The following SHISA9 variants were observed in gnomAD, a reference collection of about 807,000 sequenced individuals.
SHISA9 encodes protein shisa-9.
A neutral mutation model predicts 38.0 loss-of-function variants in SHISA9; 13 were observed. The observed-to-expected ratio is 0.34, with a 90% CI of 0.22 to 0.54. The LOEUF (loss-of-function observed/expected upper bound fraction) is 0.54, where lower values mean the gene tolerates loss of function less well. SHISA9 is among the 20% of genes least tolerant of loss of function. The pLI is 0.91. For synonymous variants in SHISA9, 275 were observed against 242.0 expected, an observed-to-expected ratio of 1.14 and a Z score of -1.27; for missense variants, 538 against 575.8, an observed-to-expected ratio of 0.93 and a Z score of 0.67.
the SHISA9 span, among the ~76,000 whole-genome samples, chr16:13,377,788 G>A: frequency 9.2e-5 from 14 of 152,290 alleles, no homozygotes; most frequent in African/African-American, 3.4e-4. Context: ...AGCATTTTGG[G>A]AGGCCAAGGT....
chr16:13,522,210 G>C, the SHISA9 span, among the ~76,000 whole-genome samples: 1 of 152,166 alleles, frequency 6.6e-6, no homozygotes, highest in South Asian at 2.1e-4. Context: ...GTTTGGTTTT[G>C]ACTTGGAGAA....
At chr16:12,938,071 C>T (rs534526827) in intron 2 of SHISA9, among the ~76,000 whole-genome samples, 1 of 152,306 alleles carries the variant, frequency 6.6e-6, no homozygotes, top group Non-Finnish European at 1.5e-5. Flanking sequence ...TGAACTGTTG[C>T]TGGACTTGTA....
the SHISA9 span, among the ~76,000 whole-genome samples, chr16:13,538,019 A>T: frequency 6.6e-6 from 1 of 152,228 alleles, no homozygotes. Context: ...TTTTAAAAAT[A>T]TGTTAGACTG....
chr16:13,240,654 C>G (rs2051428232), downstream of SHISA9, among the ~76,000 whole-genome samples: 1 of 152,150 alleles, frequency 6.6e-6, no homozygotes, highest in South Asian at 2.1e-4. Context: ...ATCCTTTTGC[C>G]TTTAGAAATC....
the SHISA9 span, among the ~76,000 whole-genome samples, chr16:13,415,641 G>A: frequency 3.3e-5 from 5 of 152,172 alleles, no homozygotes; most frequent in African/African-American, 1.2e-4. Flanking sequence ...GGAATGAAAT[G>A]ATGTGGAGCT....
the SHISA9 span, among the ~76,000 whole-genome samples, chr16:13,502,230 G>A: frequency 6.6e-6 from 1 of 151,758 alleles, no homozygotes; most frequent in South Asian, 2.1e-4. Context: ...AGCATTTGGA[G>A]AAAAAGAAAG....
intron 2 of SHISA9, among the ~76,000 whole-genome samples, chr16:13,062,335 T>C (rs114672282): frequency 0.014 from 2,069 of 152,278 alleles, 58 homozygotes; most frequent in African/African-American, 0.046. Context: ...AGATAAATCC[T>C]ATGGACAAAG....
intron 2 of SHISA9, among the ~76,000 whole-genome samples, chr16:13,143,633 T>G (rs1292410072): frequency 6.6e-6 from 1 of 152,138 alleles, no homozygotes; most frequent in East Asian, 1.9e-4. Flanking sequence ...TAAACCATCA[T>G]GCAAATATAT....
chr16:12,912,670 C>G (rs1419573594), intron 1 of SHISA9, among the ~76,000 whole-genome samples: 1 of 152,138 alleles, frequency 6.6e-6, no homozygotes. Context: ...GTTTCAGACC[C>G]TGCTTATTGC....
At chr16:13,261,300 T>C in the SHISA9 span, among the ~76,000 whole-genome samples, 4 of 152,118 alleles carry the variant, frequency 2.6e-5, no homozygotes, top group Non-Finnish European at 5.9e-5. Context: ...GATCTGTAGG[T>C]TTATAGATGA....
intron 2 of SHISA9, among the ~76,000 whole-genome samples, chr16:13,124,308 C>A (rs561957865): frequency 6.6e-6 from 1 of 152,274 alleles, no homozygotes; most frequent in South Asian, 2.1e-4. Context: ...CAAATTGGAG[C>A]TTTCTGAAAC....
the SHISA9 span, among the ~76,000 whole-genome samples, chr16:13,249,962 AG>A: frequency 5.3e-5 from 8 of 152,052 alleles, no homozygotes; most frequent in Admixed American, 3.9e-4. Context: ...TTGAACTCCT[AG>A]GCTCAAGCAA....
chr16:13,388,162 A>G, the SHISA9 span, among the ~76,000 whole-genome samples: 1 of 152,054 alleles, frequency 6.6e-6, no homozygotes, highest in African/African-American at 2.4e-5. Context: ...CATCCTGTGG[A>G]TTGAGATGTG....
the SHISA9 span, among the ~76,000 whole-genome samples, chr16:13,497,002 A>G: frequency 6.6e-6 from 1 of 152,202 alleles, no homozygotes; most frequent in Non-Finnish European, 1.5e-5. Flanking sequence ...ATTGCTTCAA[A>G]GCTTAATACA....
intron 2 of SHISA9, among the ~76,000 whole-genome samples, chr16:13,106,988 C>CTA (rs1555462299): frequency 2.0e-4 from 30 of 151,644 alleles, no homozygotes; most frequent in East Asian, 9.7e-4. Flanking sequence ...CTCTCTCTCT[C>CTA]TCTCTCTCTC....
At chr16:13,307,027 CA>C in the SHISA9 span, among the ~76,000 whole-genome samples, 1 of 152,082 alleles carries the variant, frequency 6.6e-6, no homozygotes, top group Non-Finnish European at 1.5e-5. Context: ...ATGTTACAAA[CA>C]TGTTTCTATG....
chr16:13,523,778 C>A, the SHISA9 span, among the ~76,000 whole-genome samples: 1 of 152,218 alleles, frequency 6.6e-6, no homozygotes, highest in South Asian at 2.1e-4. Flanking sequence ...ACCTCCAACA[C>A]TGGGGATTAC....
chr16:13,000,491 A>G (rs1186673421), intron 2 of SHISA9, among the ~76,000 whole-genome samples: 1 of 152,098 alleles, frequency 6.6e-6, no homozygotes, highest in African/African-American at 2.4e-5. Context: ...TTCTATCTTC[A>G]TGTCAGTTGG....
chr16:13,264,637 G>A, the SHISA9 span, among the ~76,000 whole-genome samples: 254 of 152,138 alleles, frequency 1.7e-3, no homozygotes, highest in African/African-American at 5.7e-3. Context: ...TGTCTCTCTT[G>A]CTTCTAGTCT....
Sources: gnomAD v4.1 joint callset for allele counts (sites outside exome capture counted in the v4.1 genomes callset) on GRCh38, gnomAD v4.1.1 for gene constraint, MANE v1.5 for transcripts, NCBI Gene and HGNC (gene_info 2026-07-23, HGNC 2026-07-21) for gene names.